The following ATP2C1 variants were observed in gnomAD, a reference collection of about 807,000 sequenced individuals.
ATP2C1 encodes ATPase secretory pathway Ca2+ transporting 1.
Under a neutral mutation model 120.5 loss-of-function variants are expected in ATP2C1, and 31 were observed. That is an observed-to-expected ratio of 0.26 (90% confidence interval 0.19 to 0.35). The LOEUF (loss-of-function observed/expected upper bound fraction) is 0.35, where lower values mean the gene tolerates loss of function less well. Among genes scored for constraint, ATP2C1 ranks in the 10% least tolerant of loss-of-function variants. The probability of loss-of-function intolerance (pLI) is 1.00; values close to 1 mark genes in which losing one functional copy is unlikely to be tolerated. For synonymous variants in ATP2C1, 351 were observed against 358.7 expected (o/e 0.98, Z 0.24); for missense variants, 731 against 1,107.5 (o/e 0.66, Z 4.83).
chr3:131,007,914 A>T (rs2063176907), downstream of ATP2C1, among the ~76,000 whole-genome samples: 6 of 152,256 alleles, frequency 3.9e-5, no homozygotes, highest in South Asian at 1.2e-3. Flanking sequence ...AAGCATTATT[A>T]GATCAATTTT....
intron 1 of ATP2C1, among the ~76,000 whole-genome samples, chr3:130,856,747 C>A (rs2067853209): frequency 6.6e-6 from 1 of 152,200 alleles, no homozygotes; most frequent in Non-Finnish European, 1.5e-5. Flanking sequence ...TCTCTCCCTG[C>A]TGCATGTTGA....
At chr3:130,905,706 A>G (rs16835333) in intron 2 of ATP2C1, among the ~76,000 whole-genome samples, 2,096 of 152,172 alleles carry the variant, frequency 0.014, 44 homozygotes, top group African/African-American at 0.048. Context: ...TCATCATAGC[A>G]CAGTATCCCT....
At chr3:130,973,378 C>T (rs1400374501) in intron 17 of ATP2C1, among the ~76,000 whole-genome samples, 1 of 152,044 alleles carries the variant, frequency 6.6e-6, no homozygotes, top group African/African-American at 2.4e-5. Context: ...AAGGGGAGAT[C>T]ATATAAAAGG....
chr3:130,964,396 C>G (rs943124912), intron 13 of ATP2C1, among the ~76,000 whole-genome samples: 4 of 151,824 alleles, frequency 2.6e-5, no homozygotes, highest in Non-Finnish European at 5.9e-5. Flanking sequence ...TGTGACATGT[C>G]AAAGAAGATA....
intron 1 of ATP2C1, among the ~76,000 whole-genome samples, chr3:130,859,612 C>T (rs746424728): frequency 1.3e-5 from 2 of 152,124 alleles, no homozygotes; most frequent in Non-Finnish European, 2.9e-5. Flanking sequence ...TGGCAACTTG[C>T]CGTTTATTAT....
At position 130,894,757 on chromosome 3, in the gene ATP2C1, G is replaced by A; in HGVS notation, c.-13G>A. On this transcript the variant is annotated 5_prime_UTR_variant, in exon 2 of 28. Transcript: ENST00000510168. The surrounding 1 kb of genome is among the most constrained non-coding windows in gnomAD (Gnocchi z 4.5). ...CTTTGTAGCCATCAACCCGAGTGCA[G>A]TTTCGATGGAAAATGAAGGTAAAGG... is the stretch of plus-strand genomic sequence containing the variant. The A allele has an allele frequency of 6.2e-7, 1 of 1,614,224 alleles. No individual in the cohort carries two copies. The highest frequency in any genetic ancestry group is 1.7e-5 in the Admixed American group (1 of 60,026).
chr3:130,894,572 T>C lies in ATP2C1; in HGVS notation c.-180-18T>C, dbSNP rs947401116. ...CTCAGCCTCTCGTCAGCGCCGCTTC[T>C]CCTGGTTTCTCTTGCAGATGCTGCT... On this transcript the variant is annotated intron_variant, in intron 1 of 27. Transcript: ENST00000510168. The surrounding 1 kb of genome is among the most constrained non-coding windows in gnomAD (Gnocchi z 4.5). 4.2e-6 allele frequency: 6 copies of C among 1,445,000 alleles called. No individual in the cohort carries two copies. The highest frequency in any genetic ancestry group is 4.6e-6 in the Non-Finnish European group (5 of 1,098,146). The allele number at this position is 1,445,000 out of a possible 1,614,324, so 89.5% of individuals were successfully genotyped here.
chr3:130,987,740 TA>T (rs1486090667), intron 20 of ATP2C1, among the ~76,000 whole-genome samples: 2 of 152,360 alleles, frequency 1.3e-5, no homozygotes, highest in Admixed American at 6.5e-5. Flanking sequence ...CCCCATGTAC[TA>T]GAATCATATT....
chr3:130,896,361 T>C (rs1357026148), intron 2 of ATP2C1, among the ~76,000 whole-genome samples: 2 of 152,182 alleles, frequency 1.3e-5, no homozygotes, highest in African/African-American at 4.8e-5. Context: ...TGGCCAAATA[T>C]GAATTTTGTG....
rs35503162 is a variant in ATP2C1, at chr3:131,010,187, C to CTTTT, written c.2630-5947_2630-5944dup. ...ATATCTGCTCTTCATCTTTTTCTAT[C>CTTTT]TTTTTTTTTTTTTTTTTTTTTGAGA... On this transcript the variant is annotated intron_variant, in intron 26 of 26. Transcript: ENST00000328560. Among the ~76,000 whole-genome samples, 128 of 87,984 alleles carry CTTTT rather than the reference C, an allele frequency of 1.5e-3. 1 individual carries two copies. Among genetic ancestry groups the CTTTT allele is most frequent in the African/African-American group, 4.5e-3 (107 of 23,938 alleles). The allele number at this position is 87,984 out of a possible 152,430, so 57.7% of individuals were successfully genotyped here. A position where few individuals can be genotyped will look rare whatever the true frequency, so the allele number is the denominator to read the frequency against.
At chr3:130,907,730 CT>C (rs201616375) in intron 2 of ATP2C1, among the ~76,000 whole-genome samples, 266 of 126,428 alleles carry the variant, frequency 2.1e-3, no homozygotes, top group East Asian at 1.9e-3. Context: ...GTCTGCCTTT[CT>C]TTTTTTTTTT....
In ATP2C1 at chr3:130,934,640, A is replaced by C. The variant is rs1349081160; in HGVS notation, c.253A>C (p.Met85Leu). 6.2e-7 allele frequency: 1 copy of C among 1,612,482 alleles called. No individual in the cohort carries two copies. ...CTTTCAGTTTAAAAATCCCCTTATT[A>C]TGCTGCTTCTGGCTTCTGCAGTCAT... ...YISQFKNPLI[M>L]LLLASAVISV... is the part of the protein sequence containing the mutation. The change falls in exon 5 of 28, where the codon ATG becomes CTG. Residue 85 changes from methionine (M) to leucine (L), a missense_variant. Met to Leu is a conservative substitution (Grantham distance 15). Coordinates refer to ENST00000510168, the MANE Select transcript of ATP2C1 (RefSeq NM_001378687.1).
intron 1 of ATP2C1, among the ~76,000 whole-genome samples, chr3:130,869,676 C>A (rs996538975): frequency 4.6e-5 from 7 of 152,206 alleles, no homozygotes; most frequent in Non-Finnish European, 1.0e-4. Flanking sequence ...CCAAACCAGG[C>A]ATACCATTCC....
At chr3:130,879,797 T>C (rs1027580413) in intron 1 of ATP2C1, among the ~76,000 whole-genome samples, 4 of 152,246 alleles carry the variant, frequency 2.6e-5, no homozygotes, top group African/African-American at 9.6e-5. Flanking sequence ...TATAATTTCT[T>C]TGGCTGTCAT....
chr3:130,891,473 CG>C (rs2069166225), upstream of ATP2C1, among the ~76,000 whole-genome samples: 2 of 152,236 alleles, frequency 1.3e-5, no homozygotes, highest in African/African-American at 4.8e-5. Context: ...CTTTCTTGCA[CG>C]TGACCACTTT....
At chr3:130,904,153 C>G (rs2058015461) in intron 2 of ATP2C1, among the ~76,000 whole-genome samples, 1 of 151,920 alleles carries the variant, frequency 6.6e-6, no homozygotes, top group Non-Finnish European at 1.5e-5. Flanking sequence ...AAAAATAGTA[C>G]AAAGAGGTCC....
At chr3:130,909,218 G>A (rs1420259108) in intron 2 of ATP2C1, among the ~76,000 whole-genome samples, 1 of 152,058 alleles carries the variant, frequency 6.6e-6, no homozygotes, top group African/African-American at 2.4e-5. Flanking sequence ...GATCCCTCTG[G>A]ATTTTGCCAG....
chr3:130,992,925 T>A, intron 20 of ATP2C1, 26 bp from the exon 21 acceptor site: 1 of 1,591,854 alleles, frequency 6.3e-7, no homozygotes. Context: ...TATTGAAGAT[T>A]TTTAGTGTAT....
At chr3:130,918,975 G>T in intron 2 of ATP2C1, 1 of 399,682 alleles carries the variant, frequency 2.5e-6, no homozygotes, top group South Asian at 1.9e-5. Flanking sequence ...CTGGGCAACA[G>T]AGCAAGACTC....
Sources: allele counts gnomAD v4.1 joint callset (sites outside exome capture counted in the v4.1 genomes callset), GRCh38; gene constraint gnomAD v4.1.1; non-coding constraint Gnocchi (gnomAD v3.1); transcripts MANE v1.5; gene names NCBI Gene and HGNC (gene_info 2026-07-23, HGNC 2026-07-21).